CD38: variants seen among roughly 807,000 people sequenced by gnomAD.
CD38 encodes ADP-ribosyl cyclase/cyclic ADP-ribose hydrolase 1.
Under a neutral mutation model 36.3 loss-of-function variants are expected in CD38, and 31 were observed. The ratio of observed to expected loss-of-function variants is 0.85; its 90% confidence interval spans 0.64 to 1.15. The LOEUF (loss-of-function observed/expected upper bound fraction) is 1.15. Ranked by LOEUF, CD38 falls within the 50% of genes most tolerant of loss-of-function variation. CD38 has a pLI of 0.00. For missense variants in CD38, 380 were observed against 371.9 expected, an observed-to-expected ratio of 1.02 and a Z score of -0.18; for synonymous variants, 131 against 135.2, an observed-to-expected ratio of 0.97 and a Z score of 0.22.
intron 3 of CD38, among the ~76,000 whole-genome samples, chr4:15,833,472 G>T (rs1723998017): frequency 6.6e-6 from 1 of 151,806 alleles, no homozygotes; most frequent in Non-Finnish European, 1.5e-5. Context: ...AATTCCTTTT[G>T]ACTCCACAAT....
chr4:15,811,194 A>G, intron 1 of CD38, among the ~76,000 whole-genome samples: 1 of 152,206 alleles, frequency 6.6e-6, no homozygotes, highest in East Asian at 1.9e-4. Flanking sequence ...AATATTTACA[A>G]ATATTTTAAT....
chr4:15,778,464 G>C lies in CD38; in HGVS notation c.50G>C (p.Arg17Pro), dbSNP rs771783257. ...SPVSGDKPCC[R>P]LSRRAQLCLG... is the part of the protein sequence containing the mutation. ...GTGTCCGGGGACAAACCCTGCTGCC[G>C]GCTCTCTAGGAGAGCCCAACTCTGT... The change falls in exon 1 of 8, where the codon CGG becomes CCG. Residue 17 changes from arginine to proline, a missense_variant. Transcript: ENST00000226279. The surrounding 1 kb of genome is among the most constrained non-coding windows in gnomAD (Gnocchi z 4.9). The C allele has an allele frequency of 6.2e-7, 1 of 1,613,916 alleles. No homozygotes were observed. The highest frequency in any genetic ancestry group is 8.5e-7 in the Non-Finnish European group (1 of 1,179,978).
rs75331468 is a variant in CD38 at position 15,784,532 on chromosome 4, C to T, written c.233+5885C>T. Among the ~76,000 whole-genome samples the T allele has an allele frequency of 2.6e-4, 39 of 152,228 alleles. No individual in the cohort carries two copies. The East Asian group carries it at 7.3e-3, about 29-fold the overall frequency. Reference sequence around the variant, plus strand: ...CCTCTTGGTCTGTCCACAGCTGGACCTTCTCAGCACACAAGAGACTATGAG... The same window carrying T: ...CCTCTTGGTCTGTCCACAGCTGGACTTTCTCAGCACACAAGAGACTATGAG... On this transcript the variant is annotated intron_variant, in intron 1 of 7. Transcript: ENST00000226279.
intron 7 of CD38, among the ~76,000 whole-genome samples, chr4:15,841,708 G>A (rs1383224914): frequency 1.3e-5 from 2 of 149,446 alleles, no homozygotes; most frequent in Non-Finnish European, 1.5e-5. Context: ...TGTGCACACC[G>A]TGCGCGAGCC....
chr4:15,782,220 C>T (rs910840642), intron 1 of CD38, among the ~76,000 whole-genome samples: 1 of 152,234 alleles, frequency 6.6e-6, no homozygotes, highest in African/African-American at 2.4e-5. Context: ...ACAACTGGCA[C>T]AGCTTCCCTT....
At chr4:15,781,687 T>C (rs955436032) in intron 1 of CD38, among the ~76,000 whole-genome samples, 9 of 152,192 alleles carry the variant, frequency 5.9e-5, no homozygotes, top group African/African-American at 2.2e-4. Flanking sequence ...TGACTTAAAA[T>C]CTAAAAAATA....
At chr4:15,814,024 A>T (rs1475662807) in intron 1 of CD38, among the ~76,000 whole-genome samples, 1 of 152,198 alleles carries the variant, frequency 6.6e-6, no homozygotes, top group Non-Finnish European at 1.5e-5. Flanking sequence ...GAATCGCCAC[A>T]CTATCTTCCA....
intron 2 of CD38, among the ~76,000 whole-genome samples, 159 bp from the exon 3 acceptor site, chr4:15,824,722 G>T (rs1723810847): frequency 6.6e-6 from 1 of 151,554 alleles, no homozygotes; most frequent in African/African-American, 2.4e-5. Context: ...CCACTCTCCT[G>T]CACACAGAAA....
chr4:15,816,514 T>C lies in CD38; in HGVS notation c.237T>C (p.His79=), dbSNP rs559405580. The C allele has an allele frequency of 1.9e-6, 3 of 1,609,880 alleles. No individual in the cohort carries two copies. The highest frequency in any genetic ancestry group is 1.7e-4 in the Middle Eastern group (1 of 6,054). ...KYTEIHPEMR[H]VDCQSVWDAF... Reference sequence around the variant, plus strand: ...TATTTTCTGTGTTTTATCTCAGACATGTAGACTGCCAAAGTGTATGGGATG... The same window carrying C: ...TATTTTCTGTGTTTTATCTCAGACACGTAGACTGCCAAAGTGTATGGGATG... The change falls in exon 2 of 8, where the codon CAT becomes CAC. Residue 79 remains histidine (H), a synonymous_variant. Transcript: ENST00000226279.
At chr4:15,791,131 G>T (rs1722974026) in intron 1 of CD38, among the ~76,000 whole-genome samples, 1 of 122,862 alleles carries the variant, frequency 8.1e-6, no homozygotes, top group African/African-American at 3.8e-5. Flanking sequence ...TGGGAAGTGA[G>T]GAGCCCCTCT....
In CD38 at chr4:15,778,713, G is replaced by C. The variant is rs1036006073; in HGVS notation, c.233+66G>C. On this transcript the variant is annotated intron_variant, in intron 1 of 7. Transcript: ENST00000226279. The surrounding 1 kb of genome is among the most constrained non-coding windows in gnomAD (Gnocchi z 4.9). ...ACAGCAGGGCCCCGCGCGCAGGGAA[G>C]CCGCCCGGATCGCCCGGAACCGGGC... The C allele has an allele frequency of 8.4e-6, 10 of 1,191,452 alleles. No homozygotes were observed. In the Admixed American group the frequency reaches 1.9e-4, roughly 22 times the overall value. 73.8% of individuals were successfully genotyped at this position (1,191,452 alleles called of 1,614,324 possible). A position where few individuals can be genotyped will look rare whatever the true frequency, so the allele number is the denominator to read the frequency against.
At chr4:15,831,210 A>G (rs1723951673) in intron 3 of CD38, among the ~76,000 whole-genome samples, 2 of 152,118 alleles carry the variant, frequency 1.3e-5, no homozygotes, top group South Asian at 2.1e-4. Context: ...TGTTGTTTCT[A>G]TTTATGTCTT....
At chr4:15,804,489 T>A (rs1161269811) in intron 1 of CD38, among the ~76,000 whole-genome samples, 3 of 152,196 alleles carry the variant, frequency 2.0e-5, no homozygotes, top group Admixed American at 2.0e-4. Context: ...TTACTGTAGT[T>A]TCATTTATAA....
intron 1 of CD38, among the ~76,000 whole-genome samples, chr4:15,803,955 A>G (rs908257787): frequency 6.6e-6 from 1 of 152,328 alleles, no homozygotes; most frequent in South Asian, 2.1e-4. Context: ...CTCCAGCTGC[A>G]TTCATGTTGC....
At chr4:15,809,162 G>A (rs952489839) in intron 1 of CD38, among the ~76,000 whole-genome samples, 4 of 152,216 alleles carry the variant, frequency 2.6e-5, no homozygotes, top group Non-Finnish European at 5.9e-5. Flanking sequence ...AATTGTTGTG[G>A]TTGTTATAAT....
intron 1 of CD38, among the ~76,000 whole-genome samples, chr4:15,780,604 T>C (rs1722677129): frequency 6.7e-6 from 1 of 149,946 alleles, no homozygotes; most frequent in African/African-American, 2.5e-5. Context: ...AATCTTGACC[T>C]TGTGAACATG....
At chr4:15,786,680 T>C (rs907034551) in intron 1 of CD38, among the ~76,000 whole-genome samples, 29 of 152,342 alleles carry the variant, frequency 1.9e-4, no homozygotes, top group African/African-American at 6.0e-4. Context: ...ACCTAGCCGA[T>C]TGTGCACCAA....
chr4:15,831,969 A>C (rs1353992572), intron 3 of CD38, among the ~76,000 whole-genome samples: 2 of 151,794 alleles, frequency 1.3e-5, no homozygotes, highest in African/African-American at 2.4e-5. Flanking sequence ...AGTGTGCTTC[A>C]TTGTTTTTTA....
intron 1 of CD38, among the ~76,000 whole-genome samples, chr4:15,788,678 G>A (rs1289113619): frequency 1.3e-5 from 2 of 152,310 alleles, no homozygotes; most frequent in African/African-American, 2.4e-5. Flanking sequence ...ATAGTGAATA[G>A]GCAAGAGTAA....
Sources: allele counts gnomAD v4.1 joint callset (sites outside exome capture counted in the v4.1 genomes callset), GRCh38; gene constraint gnomAD v4.1.1; non-coding constraint Gnocchi (gnomAD v3.1); transcripts MANE v1.5; gene names NCBI Gene and HGNC (gene_info 2026-07-23, HGNC 2026-07-21).